Variants in ADCY7 observed in about 807,000 individuals in gnomAD.
The protein encoded by ADCY7 is adenylate cyclase 7.
A neutral mutation model predicts 120.6 loss-of-function variants in ADCY7; 72 were observed. The ratio of observed to expected loss-of-function variants is 0.60; its 90% CI spans 0.49 to 0.73. The LOEUF (loss-of-function observed/expected upper bound fraction) is 0.73. Among genes scored for constraint, ADCY7 ranks in the 30% least tolerant of loss-of-function variants. ADCY7 has a pLI of 0.00. For synonymous variants in ADCY7, 661 were observed against 628.0 expected, an observed-to-expected ratio of 1.05 and a Z score of -0.78; for missense variants, 1,227 against 1,486.0, an observed-to-expected ratio of 0.83 and a Z score of 2.87.
intron 8 of ADCY7, 107 bp downstream of exon 8, chr16:50,299,138 CG>C (rs1263045789): frequency 3.6e-6 from 5 of 1,401,910 alleles, no homozygotes; most frequent in African/African-American, 2.9e-5. Context: ...AACTGAGGCT[CG>C]GGGGGTTGGG....
Position 50,299,022 on chromosome 16 carries a change from A to G in ADCY7, c.1067A>G (p.Gln356Arg). The stretch of plus-strand genomic sequence containing the variant: ...GTGAAGATGGGGCTGGACATGTGCC[A>G]GGCCATCAAGTAGGTCCTGGGCGGG... The part of the protein sequence containing the change: ...NCVKMGLDMC[Q>R]AIKQVREATG... The change falls in exon 8 of 26, where the codon CAG (glutamine) becomes CGG (arginine). Residue 356 changes from glutamine (Q) to arginine (R), a missense_variant. Transcript: ENST00000673801. 3.7e-6 allele frequency: 6 copies of G among 1,610,866 alleles called. No individual in the cohort carries two copies. The highest frequency in any genetic ancestry group is 4.2e-6 in the Non-Finnish European group (5 of 1,179,666).
At chr16:50,264,833 CTTT>C (rs34527039), upstream of ADCY7, among the ~76,000 whole-genome samples, 2 of 110,314 alleles carry the variant, frequency 1.8e-5, no homozygotes, top group Non-Finnish European at 3.6e-5. Flanking sequence ...TGTGGGAGGT[CTTT>C]TTTTTTTTTT....
chr16:50,281,385 A>C (rs565330907), intron 1 of ADCY7, among the ~76,000 whole-genome samples: 295 of 151,142 alleles, frequency 2.0e-3, no homozygotes, highest in Admixed American at 4.2e-3. Context: ...GTGGCAGGTA[A>C]GGCAGGTGCG....
chr16:50,264,238 G>A (rs1210316236), upstream of ADCY7, among the ~76,000 whole-genome samples: 1 of 152,208 alleles, frequency 6.6e-6, no homozygotes. Flanking sequence ...TGTGTCTTTT[G>A]TGGGTGGGTC....
At position 50,297,963 on chromosome 16, in the gene ADCY7, G is replaced by T. The variant is rs1318212486; in HGVS notation, c.949-941G>T. Among the ~76,000 whole-genome samples the T allele has an allele frequency of 6.6e-6, 1 of 151,996 alleles. No individual in the cohort carries two copies. The highest frequency in any genetic ancestry group is 3.2e-3 in the Middle Eastern group (1 of 316). On this transcript the variant is annotated intron_variant, in intron 7 of 25. Coordinates refer to ENST00000673801, the MANE Select transcript of ADCY7 (RefSeq NM_001114.5). This position sits in a 1 kb window ranked among gnomAD's most constrained non-coding sequence, Gnocchi z 4.4. Reference sequence around the variant, plus strand: ...CACCCATGAGGCCTCGGTGCATGTGGCCACCCTTGCTGAGGGCTTAAGGAG... The same window carrying T: ...CACCCATGAGGCCTCGGTGCATGTGTCCACCCTTGCTGAGGGCTTAAGGAG...
intron 1 of ADCY7, among the ~76,000 whole-genome samples, chr16:50,278,008 G>A (rs1358454393): frequency 6.6e-6 from 1 of 151,656 alleles, no homozygotes; most frequent in Non-Finnish European, 1.5e-5. Flanking sequence ...TTACGAGTGT[G>A]GTTAGCTTCC....
intron 1 of ADCY7, among the ~76,000 whole-genome samples, chr16:50,268,351 C>T (rs1396335550): frequency 1.3e-5 from 2 of 152,108 alleles, no homozygotes; most frequent in African/African-American, 2.4e-5. Context: ...ATGATCCATC[C>T]ACCTCGACCT....
chr16:50,245,658 C>T (rs2032557219), upstream of ADCY7, among the ~76,000 whole-genome samples: 5 of 152,094 alleles, frequency 3.3e-5, no homozygotes, highest in South Asian at 1.0e-3. Context: ...CTGAGTGAGA[C>T]GTAAGGCGGG....
At chr16:50,313,745 T>C (rs2036619562) in intron 22 of ADCY7, 2 of 569,566 alleles carry the variant, frequency 3.5e-6, no homozygotes, top group African/African-American at 1.9e-5. Context: ...AGGGAGACAG[T>C]GTGGGGACGG....
At chr16:50,245,388 G>A (rs1409811829), upstream of ADCY7, among the ~76,000 whole-genome samples, 1 of 152,302 alleles carries the variant, frequency 6.6e-6, no homozygotes, top group South Asian at 2.1e-4. Context: ...GGGGGTCTGC[G>A]AGTGAGAAAT....
At chr16:50,310,570 G>GTAAC in intron 18 of ADCY7, 117 bp from the exon 19 acceptor site, 1 of 1,568,378 alleles carries the variant, frequency 6.4e-7, no homozygotes, top group Non-Finnish European at 8.6e-7. Context: ...AAGGGAGGTG[G>GTAAC]TAAGGCAAGA....
At chr16:50,254,679 G>A (rs1404025331) in intron 1 of ADCY7, among the ~76,000 whole-genome samples, 4 of 152,222 alleles carry the variant, frequency 2.6e-5, no homozygotes, top group African/African-American at 4.8e-5. Context: ...AATTAATATC[G>A]TGCAAATGTC....
chr16:50,294,672 A>T lies in ADCY7; in HGVS notation c.869A>T (p.Gln290Leu), dbSNP rs777075813. The T allele has an allele frequency of 1.2e-5, 19 of 1,553,440 alleles. No homozygotes were observed. Among genetic ancestry groups the T allele is most frequent in the Middle Eastern group, 1.7e-4 (1 of 5,770 alleles). ...TATGCGGACATCGTGGGCTTCACGC[A>T]GCTGGCCAGCGACTGTTCTCCCAAG... ...ILYADIVGFT[Q>L]LASDCSPKEL... The change falls in exon 7 of 26, where the codon CAG (glutamine) becomes CTG (leucine). Residue 290 changes from glutamine to leucine, a missense_variant. Gln to Leu is a moderately radical substitution (Grantham distance 113, BLOSUM62 -2). Coordinates refer to ENST00000673801, the MANE Select transcript of ADCY7 (RefSeq NM_001114.5).
Position 50,288,157 on chromosome 16 carries a change from G to A in ADCY7, c.-23G>A, listed in dbSNP as rs775634360. The A allele has an allele frequency of 1.5e-5, 23 of 1,532,034 alleles. No individual in the cohort carries two copies. The highest frequency in any genetic ancestry group is 2.5e-5 in the East Asian group (1 of 40,472). The allele number at this position is 1,532,034 out of a possible 1,614,324, so 94.9% of individuals were successfully genotyped here. A position where few individuals can be genotyped will look rare whatever the true frequency, so the allele number is the denominator to read the frequency against. On this transcript the variant is annotated 5_prime_UTR_variant, in exon 2 of 26. Transcript: ENST00000673801. ...GGGGCCTCCTTAACGGCCCCTTAAC[G>A]ACACGCGTGCCAAGGGTGGAGGATG...
At chr16:50,301,355 C>T in intron 10 of ADCY7, 141 bp downstream of exon 10, 1 of 1,179,200 alleles carries the variant, frequency 8.5e-7, no homozygotes, top group Non-Finnish European at 1.2e-6. Context: ...AGTGAGCTCC[C>T]TGTTCCCAGG....
upstream of ADCY7, among the ~76,000 whole-genome samples, chr16:50,245,211 A>G (rs1429799788): frequency 6.6e-6 from 1 of 152,156 alleles, no homozygotes; most frequent in African/African-American, 2.4e-5. Flanking sequence ...CGTGCTTGTT[A>G]AACTACAGAC....
rs1037793509 is a variant in ADCY7 at position 50,316,761 on chromosome 16, G to C, written c.*1256G>C. On this transcript the variant is annotated 3_prime_UTR_variant, in exon 26 of 26. Transcript: ENST00000673801. ...CAACCTAACTGTAACAACAGGGTGA[G>C]AAATGACCAAACTGCCCGTGACTTT... The C allele has an allele frequency of 6.6e-6, 1 of 152,368 alleles. No individual in the cohort carries two copies. The highest frequency in any genetic ancestry group is 2.4e-5 in the African/African-American group (1 of 41,450). 9.4% of individuals were successfully genotyped at this position (152,368 alleles called of 1,614,324 possible). A position where few individuals can be genotyped will look rare whatever the true frequency, so the allele number is the denominator to read the frequency against.
At chr16:50,290,812 T>C (rs2034902222) in intron 3 of ADCY7, 152 bp downstream of exon 3, 1 of 819,966 alleles carries the variant, frequency 1.2e-6, no homozygotes, top group African/African-American at 1.7e-5. Flanking sequence ...TTCTCTGCAT[T>C]GACAGGGCTG....
intron 1 of ADCY7, among the ~76,000 whole-genome samples, chr16:50,284,989 G>T (rs551537524): frequency 1.3e-5 from 2 of 152,322 alleles, no homozygotes; most frequent in African/African-American, 4.8e-5. Flanking sequence ...CTCAGGCAGG[G>T]ACCTTATCTT....
Sources: allele counts gnomAD v4.1 joint callset (sites outside exome capture counted in the v4.1 genomes callset), GRCh38; gene constraint gnomAD v4.1.1; non-coding constraint Gnocchi (gnomAD v3.1); transcripts MANE v1.5; gene names NCBI Gene and HGNC (gene_info 2026-07-23, HGNC 2026-07-21).